IGF1R: variants seen among roughly 807,000 people sequenced by gnomAD.
IGF1R encodes insulin-like growth factor 1 receptor.
A neutral mutation model predicts 144.6 loss-of-function variants in IGF1R; 44 were observed. The ratio of observed to expected loss-of-function variants is 0.30; its 90% CI spans 0.24 to 0.39. IGF1R has a LOEUF of 0.39. IGF1R is among the 10% of genes least tolerant of loss of function. The pLI, the probability that IGF1R is intolerant of heterozygous loss-of-function variation, is 1.00. For missense variants in IGF1R, 1,355 were observed against 1,833.7 expected (o/e 0.74, Z 4.77); for synonymous variants, 795 against 722.8 (o/e 1.10, Z -1.60).
intron 13 of IGF1R, among the ~76,000 whole-genome samples, chr15:98,926,485 AATAC>A (rs1290772949): frequency 6.6e-6 from 1 of 152,248 alleles, no homozygotes; most frequent in East Asian, 1.9e-4. Context: ...AATGTGATGT[AATAC>A]ATATGTTAAT....
At chr15:98,690,460 G>T (rs541424692) in intron 1 of IGF1R, among the ~76,000 whole-genome samples, 1 of 152,306 alleles carries the variant, frequency 6.6e-6, no homozygotes, top group South Asian at 2.1e-4. Flanking sequence ...CTTCCCAAGG[G>T]TAAGCTTTGC....
At chr15:98,658,521 T>C (rs927143288) in intron 1 of IGF1R, among the ~76,000 whole-genome samples, 1 of 152,232 alleles carries the variant, frequency 6.6e-6, no homozygotes, top group Non-Finnish European at 1.5e-5. Flanking sequence ...AATAGGTTTT[T>C]TAAATTGAAA....
rs2017029053 is a variant in IGF1R at position 98,957,206 on chromosome 15, C to G, written c.3868C>G (p.Pro1290Ala). Residue 1290 changes from proline (P) to alanine (A), a missense_variant, in exon 21 of 21, where the codon CCG (proline) becomes GCG (alanine). By Grantham distance (27) the Pro-to-Ala change is conservative. This residue lies in a region of IGF1R where 219 missense variants were observed against 188.8 expected (regional missense o/e 1.16). Coordinates refer to ENST00000650285, the MANE Select transcript of IGF1R (RefSeq NM_000875.5). ...CAGCGAGGAGAACAAGCTGCCCGAGCCGGAGGAGCTGGACCTGGAGCCAGA... is the reference window on the plus strand; with the variant it reads ...CAGCGAGGAGAACAAGCTGCCCGAGGCGGAGGAGCTGGACCTGGAGCCAGA... ...YYSEENKLPE[P>A]EELDLEPENM... 1 of 1,614,224 alleles carries G rather than the reference C, an allele frequency of 6.2e-7. No homozygotes were observed.
At chr15:98,885,047 C>T (rs551754107) in intron 2 of IGF1R, among the ~76,000 whole-genome samples, 6 of 152,278 alleles carry the variant, frequency 3.9e-5, no homozygotes, top group African/African-American at 1.2e-4. Context: ...TGCCAGCATC[C>T]CTATGCACCT....
chr15:98,734,530 A>G (rs2054567974), intron 2 of IGF1R, among the ~76,000 whole-genome samples: 3 of 152,224 alleles, frequency 2.0e-5, no homozygotes, highest in Admixed American at 2.0e-4. Context: ...ACTTCGCAGT[A>G]AAGTCACTGA....
At chr15:98,686,333 T>G (rs2053327488) in intron 1 of IGF1R, among the ~76,000 whole-genome samples, 1 of 152,248 alleles carries the variant, frequency 6.6e-6, no homozygotes, top group South Asian at 2.1e-4. Context: ...GATGGACACT[T>G]GAGTTGCTCC....
chr15:98,955,704 C>T (rs779989479), intron 20 of IGF1R, among the ~76,000 whole-genome samples: 29 of 152,246 alleles, frequency 1.9e-4, no homozygotes, highest in Non-Finnish European at 1.5e-4. Flanking sequence ...TCTTGGCAGG[C>T]CAGCTTCCAG....
At chr15:98,956,977 G>T in intron 20 of IGF1R, 84 bp from the exon 21 acceptor site, 1 of 1,477,448 alleles carries the variant, frequency 6.8e-7, no homozygotes, top group South Asian at 1.1e-5. Flanking sequence ...TTGTATGCGG[G>T]AAACCACTGC....
intron 19 of IGF1R, among the ~76,000 whole-genome samples, chr15:98,947,932 ATCT>A (rs1270484865): frequency 2.0e-5 from 3 of 152,038 alleles, no homozygotes; most frequent in Non-Finnish European, 4.4e-5. Context: ...ATCCCTATAG[ATCT>A]TCTAAACATT....
chr15:98,703,045 C>A (rs961822031), intron 1 of IGF1R, among the ~76,000 whole-genome samples: 1 of 152,150 alleles, frequency 6.6e-6, no homozygotes, highest in Non-Finnish European at 1.5e-5. Flanking sequence ...TCCCAGCACC[C>A]CCATCTGTTT....
chr15:98,658,271 A>G (rs533334262), intron 1 of IGF1R, among the ~76,000 whole-genome samples: 2 of 152,268 alleles, frequency 1.3e-5, no homozygotes, highest in South Asian at 2.1e-4. Flanking sequence ...TCCATCCTCA[A>G]TACTGAATAG....
intron 2 of IGF1R, among the ~76,000 whole-genome samples, chr15:98,845,470 CCTCCTCCTCCCTCCTCCTCCTTCCTT>C (rs1479815010): frequency 2.0e-4 from 22 of 110,610 alleles, no homozygotes; most frequent in East Asian, 6.4e-4. Flanking sequence ...TCTCCTGCCC[CCTCCTCCTCCCTCCTCCTCCTTCCTT>C]CTCCTCCTCC....
In IGF1R at chr15:98,957,130, C is replaced by T. The variant is rs942967506; in HGVS notation, c.3792C>T (p.Ser1264=). The change falls in exon 21 of 21, where the codon AGC becomes AGT. Residue 1264 remains serine, a synonymous_variant. Coordinates refer to ENST00000650285, the MANE Select transcript of IGF1R (RefSeq NM_000875.5). The part of the protein sequence containing the change: ...KMRPSFLEII[S]SIKEEMEPGF... ...GGCCTTCCTTCCTGGAGATCATCAG[C>T]AGCATCAAAGAGGAGATGGAGCCTG... 1.1e-5 allele frequency: 17 copies of T among 1,614,088 alleles called. No homozygotes were observed. The highest frequency in any genetic ancestry group is 4.0e-5 in the African/African-American group (3 of 74,932).
At chr15:98,919,679 T>C (rs2015405829) in intron 10 of IGF1R, among the ~76,000 whole-genome samples, 1 of 152,204 alleles carries the variant, frequency 6.6e-6, no homozygotes, top group Admixed American at 6.5e-5. Context: ...AACTTGTGAT[T>C]CTCTGTTTTC....
chr15:98,717,313 G>A (rs1392685695), intron 2 of IGF1R, among the ~76,000 whole-genome samples: 1 of 144,540 alleles, frequency 6.9e-6, no homozygotes, highest in African/African-American at 2.6e-5. Flanking sequence ...TAGGTTTTTG[G>A]TAAATGGTGG....
At chr15:98,700,398 A>G (rs1305555899) in intron 1 of IGF1R, among the ~76,000 whole-genome samples, 2 of 152,152 alleles carry the variant, frequency 1.3e-5, no homozygotes, top group African/African-American at 4.8e-5. Context: ...TAAGGTGGGT[A>G]GGGAGGGTAG....
At chr15:98,796,610 C>T (rs183577263) in intron 2 of IGF1R, among the ~76,000 whole-genome samples, 56 of 152,318 alleles carry the variant, frequency 3.7e-4, no homozygotes, top group Non-Finnish European at 7.3e-5. Context: ...CTTTGCGTAG[C>T]TGATGGGGTC....
At chr15:98,667,528 C>T (rs1245258763) in intron 1 of IGF1R, among the ~76,000 whole-genome samples, 2 of 152,186 alleles carry the variant, frequency 1.3e-5, no homozygotes, top group African/African-American at 2.4e-5. Context: ...TGCTGTGTGT[C>T]GAAGGCCAGG....
rs564052862 is a variant in IGF1R at position 98,757,424 on chromosome 15, A to G, written c.640+49317A>G. Among the ~76,000 whole-genome samples the G allele has an allele frequency of 2.6e-5, 4 of 152,290 alleles. No individual in the cohort carries two copies. The East Asian group carries it at 7.7e-4, about 29-fold the overall frequency. On this transcript the variant is annotated intron_variant, in intron 2 of 20. Coordinates refer to ENST00000650285, the MANE Select transcript of IGF1R (RefSeq NM_000875.5). Reference sequence around the variant, plus strand: ...AATGATCTGCCTGCCTTGGCCTCCCAAAGTGCTGGGATTACAGGTGTGAGC... The same window carrying G: ...AATGATCTGCCTGCCTTGGCCTCCCGAAGTGCTGGGATTACAGGTGTGAGC...
Sources: allele counts gnomAD v4.1 joint callset (sites outside exome capture counted in the v4.1 genomes callset), GRCh38; gene constraint gnomAD v4.1.1; regional missense constraint gnomAD v4.1.1; transcripts MANE v1.5; gene names NCBI Gene and HGNC (gene_info 2026-07-23, HGNC 2026-07-21).